Variants in AFG1L observed in about 807,000 individuals in gnomAD.
AFG1L encodes the protein AFG1 like ATPase.
Under a neutral mutation model 62.2 loss-of-function variants are expected in AFG1L, and 53 were observed. That is an observed-to-expected ratio of 0.85 (90% CI 0.68 to 1.07). AFG1L has a LOEUF of 1.07. AFG1L is among the 50% of genes least tolerant of loss of function. The probability of loss-of-function intolerance (pLI) is 0.00; values close to 1 mark genes in which losing one functional copy is unlikely to be tolerated. For synonymous variants in AFG1L, 228 were observed against 210.3 expected (o/e 1.08, Z -0.73); for missense variants, 555 against 590.5 (o/e 0.94, Z 0.62).
Position 108,366,220 on chromosome 6 carries a change from T to G in AFG1L, c.649-13T>G. 6.6e-7 allele frequency: 1 copy of G among 1,519,046 alleles called. No homozygotes were observed. Among genetic ancestry groups the G allele is most frequent in the East Asian group, 2.3e-5 (1 of 43,996 alleles). 94.1% of individuals were successfully genotyped at this position (1,519,046 alleles called of 1,614,324 possible). On this transcript the variant is annotated splice_polypyrimidine_tract_variant and intron_variant, in intron 5 of 12. Coordinates refer to ENST00000368977, the MANE Select transcript of AFG1L (RefSeq NM_145315.5). Reference sequence around the variant, plus strand: ...GTGAAATTAAAATAAAACAAATGTGTTGTTGTCAATAGGTCACTGACATTG... The same window carrying G: ...GTGAAATTAAAATAAAACAAATGTGGTGTTGTCAATAGGTCACTGACATTG...
At chr6:108,414,303 C>T (rs1782257276) in intron 7 of AFG1L, among the ~76,000 whole-genome samples, 1 of 152,138 alleles carries the variant, frequency 6.6e-6, no homozygotes, top group South Asian at 2.1e-4. Flanking sequence ...CCAAAAAAGT[C>T]CAGGACCAGA....
chr6:108,352,728 C>G (rs1779133172), intron 3 of AFG1L, among the ~76,000 whole-genome samples: 1 of 151,954 alleles, frequency 6.6e-6, no homozygotes, highest in Admixed American at 6.6e-5. Context: ...CAATGCCCAA[C>G]TAATTTTTAT....
chr6:108,319,723 C>T (rs1343557738), intron 1 of AFG1L: 4 of 398,708 alleles, frequency 1.0e-5, no homozygotes, highest in East Asian at 8.3e-5. Context: ...ATCCTCCTGC[C>T]TCAGCCTCCC....
chr6:108,435,857 A>T lies in AFG1L; in HGVS notation c.808-11357A>T, dbSNP rs573311022. On this transcript the variant is annotated intron_variant, in intron 7 of 12. Coordinates refer to ENST00000368977, the MANE Select transcript of AFG1L (RefSeq NM_145315.5). ...TTGGCTTCTTCCTGTAGTTCCTAAC[A>T]TACTAACTTGCACTAGAGCTTTACA... 2.6e-5 allele frequency among the ~76,000 whole-genome samples: 4 copies of T among 152,332 alleles called. No homozygotes were observed. The South Asian group carries it at 8.3e-4, about 32-fold the overall frequency.
chr6:108,431,664 G>A (rs929066883), intron 7 of AFG1L, among the ~76,000 whole-genome samples: 11 of 142,640 alleles, frequency 7.7e-5, no homozygotes, highest in Admixed American at 3.0e-4. Flanking sequence ...GCAATAGCAC[G>A]ATCTCAGCTC....
intron 1 of AFG1L, among the ~76,000 whole-genome samples, chr6:108,316,753 C>T (rs2114265614): frequency 6.6e-6 from 1 of 152,130 alleles, no homozygotes; most frequent in East Asian, 2.0e-4. Context: ...GGGATGGTCT[C>T]AATCTCCTGA....
At chr6:108,440,703 C>T (rs577987477) in intron 7 of AFG1L, among the ~76,000 whole-genome samples, 13 of 151,758 alleles carry the variant, frequency 8.6e-5, no homozygotes, top group African/African-American at 2.9e-4. Flanking sequence ...ACCTGCAATC[C>T]CAGCTACTTG....
chr6:108,352,028 TG>T (rs1188271335), intron 3 of AFG1L, among the ~76,000 whole-genome samples: 1 of 152,346 alleles, frequency 6.6e-6, no homozygotes, highest in East Asian at 1.9e-4. Context: ...CTGTTCACAT[TG>T]TTGTACAACT....
chr6:108,444,994 A>T (rs942246078), intron 7 of AFG1L, among the ~76,000 whole-genome samples: 1 of 152,266 alleles, frequency 6.6e-6, no homozygotes, highest in African/African-American at 2.4e-5. Flanking sequence ...TTCTTCCAGC[A>T]GAAGGCTGTT....
intron 8 of AFG1L, among the ~76,000 whole-genome samples, chr6:108,450,387 G>T (rs1772002175): frequency 6.6e-6 from 1 of 152,194 alleles, no homozygotes; most frequent in Admixed American, 6.5e-5. Flanking sequence ...TCTGTTGGCT[G>T]CATAAATGTC....
chr6:108,504,603 G>C (rs1774328024), intron 10 of AFG1L, among the ~76,000 whole-genome samples: 1 of 152,128 alleles, frequency 6.6e-6, no homozygotes, highest in Non-Finnish European at 1.5e-5. Flanking sequence ...GTGACACAGA[G>C]ACATGAAGTG....
intron 1 of AFG1L, among the ~76,000 whole-genome samples, chr6:108,302,071 TG>T (rs1470386987): frequency 6.6e-6 from 1 of 152,062 alleles, no homozygotes; most frequent in African/African-American, 2.4e-5. Context: ...CTCAGCCTCC[TG>T]AGTAGCTGGG....
At chr6:108,456,029 T>C (rs1313470255) in intron 8 of AFG1L, among the ~76,000 whole-genome samples, 1 of 152,182 alleles carries the variant, frequency 6.6e-6, no homozygotes, top group Non-Finnish European at 1.5e-5. Context: ...GAGAAAGAGG[T>C]GCTGAAATTT....
At chr6:108,463,286 C>CAAA (rs56937746) in intron 8 of AFG1L, among the ~76,000 whole-genome samples, 4 of 40,508 alleles carry the variant, frequency 9.9e-5, no homozygotes, top group African/African-American at 2.1e-4. Flanking sequence ...GAGACTCTGT[C>CAAA]AAAAAAAAAA....
intron 10 of AFG1L, among the ~76,000 whole-genome samples, chr6:108,502,295 T>C (rs891180610): frequency 2.6e-5 from 4 of 151,918 alleles, no homozygotes; most frequent in Non-Finnish European, 5.9e-5. Context: ...AACCTCTGCC[T>C]CCTGGGTTTA....
At chr6:108,474,502 C>G (rs1582637860) in intron 8 of AFG1L, among the ~76,000 whole-genome samples, 1 of 152,290 alleles carries the variant, frequency 6.6e-6, no homozygotes, top group East Asian at 1.9e-4. Flanking sequence ...TTCCCACCAA[C>G]AATGTAAAAG....
At chr6:108,329,466 T>G (rs1268085584) in intron 2 of AFG1L, among the ~76,000 whole-genome samples, 4 of 151,706 alleles carry the variant, frequency 2.6e-5, no homozygotes, top group African/African-American at 9.7e-5. Flanking sequence ...GCCTGGCTAA[T>G]TTTTGCATTT....
At chr6:108,385,071 GA>G (rs1780704348) in intron 6 of AFG1L, among the ~76,000 whole-genome samples, 1 of 152,142 alleles carries the variant, frequency 6.6e-6, no homozygotes, top group Non-Finnish European at 1.5e-5. Flanking sequence ...ATAGATTCCA[GA>G]AACTTAGTGA....
chr6:108,445,130 A>G (rs1194355045), intron 7 of AFG1L, among the ~76,000 whole-genome samples: 1 of 152,192 alleles, frequency 6.6e-6, no homozygotes, highest in Non-Finnish European at 1.5e-5. Context: ...TTTTTATGTT[A>G]TAGAGATGGC....
Sources: gnomAD v4.1 joint callset for allele counts (sites outside exome capture counted in the v4.1 genomes callset) on GRCh38, gnomAD v4.1.1 for gene constraint, MANE v1.5 for transcripts, NCBI Gene and HGNC (gene_info 2026-07-23, HGNC 2026-07-21) for gene names.